The following ZNF728 variants were observed in gnomAD, a reference collection of about 807,000 sequenced individuals.
The protein encoded by ZNF728 is zinc finger protein 728.
In ZNF728, 12 loss-of-function variants were observed where a neutral mutation model predicts 12.5. The observed-to-expected ratio is 0.96, with a 90% CI of 0.61 to 1.55. The LOEUF (loss-of-function observed/expected upper bound fraction) is 1.55, where lower values mean the gene tolerates loss of function less well. ZNF728 is among the 40% of genes most tolerant of loss of function. ZNF728 has a pLI of 0.00. For synonymous variants in ZNF728, 205 were observed against 240.7 expected, an observed-to-expected ratio of 0.85 and a Z score of 1.37; for missense variants, 692 against 719.2, an observed-to-expected ratio of 0.96 and a Z score of 0.43.
At chr19:22,996,574 T>C (rs1292075920) in intron 1 of ZNF728, among the ~76,000 whole-genome samples, 1 of 152,108 alleles carries the variant, frequency 6.6e-6, no homozygotes, top group Non-Finnish European at 1.5e-5. Context: ...TGAAGTTTAC[T>C]CTGAACAAAT....
chr19:22,997,739 A>G (rs1453857164), intron 1 of ZNF728, among the ~76,000 whole-genome samples: 2 of 152,036 alleles, frequency 1.3e-5, no homozygotes, highest in African/African-American at 4.8e-5. Flanking sequence ...AAAAAAAAAA[A>G]AAAGGAAATA....
At chr19:22,988,185 C>T (rs1968939371) in intron 2 of ZNF728, 140 bp downstream of exon 2, 5 of 1,468,364 alleles carry the variant, frequency 3.4e-6, no homozygotes, top group African/African-American at 1.4e-5. Context: ...AGCAAAGAGC[C>T]CCCTGGTGCC....
rs772482191 is a variant in ZNF728 at position 22,977,105 on chromosome 19, A to G, written c.232T>C (p.Cys78Arg). 3 of 1,552,356 alleles carry G rather than the reference A, an allele frequency of 1.9e-6. No homozygotes were observed. Among genetic ancestry groups the G allele is most frequent in the Admixed American group, 4.4e-5 (2 of 45,900 alleles). Reference sequence around the variant, plus strand: ...CAAAGGTCTTGAGCAAAATGAGAACATATAACTGAAAAGAAATAAAAATAA... The same window carrying G: ...CAAAGGTCTTGAGCAAAATGAGAACGTATAACTGAAAAGAAATAAAAATAA... ...HELVKEPPVI[C>R]SHFAQDLWPE... Residue 78 changes from cysteine to arginine, a missense_variant, in exon 4 of 4, where the codon TGT becomes CGT. By Grantham distance (180) the Cys-to-Arg change is radical. Coordinates refer to ENST00000594710, the MANE Select transcript of ZNF728 (RefSeq NM_001267716.2).
rs115186434 is a variant in ZNF728 at position 23,001,464 on chromosome 19, C to T, written c.3+1564G>A. Among the ~76,000 whole-genome samples the T allele has an allele frequency of 4.8e-3, 736 of 152,316 alleles. 4 individuals are homozygous for T. The highest frequency in any genetic ancestry group is 0.017 in the African/African-American group (707 of 41,576). On this transcript the variant is annotated intron_variant, in intron 1 of 3. Transcript: ENST00000594710. ...GGCTACACTCCATACCTCAGGTTGT[C>T]TTATGGGAGAAAAAGACCCAGGAGC...
chr19:22,976,880 T>C lies in ZNF728; in HGVS notation c.457A>G (p.Ile153Val), dbSNP rs1318588305. The C allele has an allele frequency of 6.2e-7, 1 of 1,613,454 alleles. No homozygotes were observed. Among genetic ancestry groups the C allele is most frequent in the South Asian group, 1.1e-5 (1 of 91,072 alleles). The change falls in exon 4 of 4, where the codon ATC becomes GTC. Residue 153 changes from isoleucine to valine, a missense_variant. Coordinates refer to ENST00000594710, the MANE Select transcript of ZNF728 (RefSeq NM_001267716.2). ...KVFQCGKYAN[I>V]FHKCSNSKRH... is the part of the protein sequence containing the mutation. ...TTTGAATTTGAACATTTATGAAAGA[T>C]GTTTGCATATTTGCCACATTGAAAT...
At position 22,975,635 on chromosome 19, in the gene ZNF728, C is replaced by G; in HGVS notation, c.1702G>C (p.Glu568Gln). 1 of 1,611,870 alleles carries G rather than the reference C, an allele frequency of 6.2e-7. No individual in the cohort carries two copies. Among genetic ancestry groups the G allele is most frequent in the Non-Finnish European group, 8.5e-7 (1 of 1,179,814 alleles). The change falls in exon 4 of 4, where the codon GAA becomes CAA. Residue 568 changes from glutamate to glutamine, a missense_variant. Around this residue, in one of 3 missense-constraint regions of ZNF728, gnomAD observed 244 missense variants for 235.2 expected, o/e 1.04. Transcript: ENST00000594710. ...ACCCAGCTAAAGGCTTTGCCACATT[C>G]TTCACATTTGTAGGGTTTCTCTCCA... ...HTGEKPYKCE[E>Q]CGKAFSWVSV...
rs289319 is a variant in ZNF728, at chr19:22,975,029, T to A, written c.*439A>T. On this transcript the variant is annotated 3_prime_UTR_variant, in exon 4 of 4. Coordinates refer to ENST00000594710, the MANE Select transcript of ZNF728 (RefSeq NM_001267716.2). ...ACCTACAATCAAGTGTGACAGCCAT[T>A]TAAAGGCTTTGTCACATTCTTCACA... Among the ~76,000 whole-genome samples, 99,525 of 152,168 alleles carry A rather than the reference T, an allele frequency of 0.65. 36,441 individuals carry two copies. Among genetic ancestry groups the A allele is most frequent in the South Asian group, 0.82 (3,947 of 4,830 alleles).
intron 3 of ZNF728, among the ~76,000 whole-genome samples, chr19:22,981,601 C>T (rs1404374743): frequency 1.3e-5 from 2 of 152,164 alleles, no homozygotes; most frequent in Non-Finnish European, 2.9e-5. Context: ...TCCAATATCC[C>T]TGATGAACAT....
At chr19:22,987,777 A>G (rs1261719014) in intron 2 of ZNF728, among the ~76,000 whole-genome samples, 2 of 152,224 alleles carry the variant, frequency 1.3e-5, no homozygotes, top group African/African-American at 2.4e-5. Flanking sequence ...AAAAATCCCT[A>G]TGATTTTCTT....
At chr19:22,992,901 C>T (rs1353118705) in intron 1 of ZNF728, among the ~76,000 whole-genome samples, 4 of 152,162 alleles carry the variant, frequency 2.6e-5, no homozygotes, top group African/African-American at 9.7e-5. Flanking sequence ...GCAGAGAAGA[C>T]TCGGGATGAT....
chr19:22,979,358 G>C (rs1055283349), intron 3 of ZNF728, among the ~76,000 whole-genome samples: 5 of 152,160 alleles, frequency 3.3e-5, no homozygotes, highest in African/African-American at 4.8e-5. Context: ...AGAAATATGG[G>C]ACTATGTGAA....
intron 3 of ZNF728, among the ~76,000 whole-genome samples, chr19:22,982,392 C>T (rs1390512173): frequency 6.6e-6 from 1 of 152,208 alleles, no homozygotes; most frequent in Non-Finnish European, 1.5e-5. Context: ...AAGAACATTA[C>T]ATGCTCATGG....
At chr19:22,987,843 T>C (rs1158664404) in intron 2 of ZNF728, among the ~76,000 whole-genome samples, 1 of 152,078 alleles carries the variant, frequency 6.6e-6, no homozygotes, top group Non-Finnish European at 1.5e-5. Flanking sequence ...AAAAGAGAAA[T>C]GATGTTGGGA....
rs1456707768 is a variant in ZNF728 at position 22,993,674 on chromosome 19, A to G, written c.4-5223T>C. Among the ~76,000 whole-genome samples, 3 of 152,232 alleles carry G rather than the reference A, an allele frequency of 2.0e-5. No individual in the cohort carries two copies. In the South Asian group the frequency reaches 6.2e-4, roughly 31 times the overall value. On this transcript the variant is annotated intron_variant, in intron 1 of 3. Coordinates refer to ENST00000594710, the MANE Select transcript of ZNF728 (RefSeq NM_001267716.2). The stretch of plus-strand genomic sequence containing the variant: ...CGAGAAATTCTTATTTATGTAAAGA[A>G]ATAACTTTAATAATTAATTGGATAT...
At chr19:22,988,518 A>G (rs2145343549) in intron 1 of ZNF728, 67 bp from the exon 2 acceptor site, 1 of 1,591,744 alleles carries the variant, frequency 6.3e-7, no homozygotes, top group East Asian at 2.2e-5. Context: ...ATTTGACTCA[A>G]GGTAAAATGG....
Position 22,983,100 on chromosome 19 carries a change from CA to C in ZNF728, c.226+4207del, listed in dbSNP as rs569668289. On this transcript the variant is annotated intron_variant, in intron 3 of 3. Transcript: ENST00000594710. ...CCTACAGGATGGGAGAAAAATTTTG[CA>C]ATCTAGCCATCTGACAAAGGGCTAA... is the stretch of plus-strand genomic sequence containing the variant. 4.1e-3 allele frequency among the ~76,000 whole-genome samples: 628 copies of C among 151,794 alleles called. 5 individuals carry two copies. Among genetic ancestry groups the C allele is most frequent in the African/African-American group, 0.014 (564 of 41,388 alleles).
intron 1 of ZNF728, among the ~76,000 whole-genome samples, chr19:23,001,966 AT>A (rs1284225348): frequency 3.3e-5 from 5 of 152,178 alleles, no homozygotes; most frequent in Admixed American, 1.3e-4. Context: ...TGTGAAAATA[AT>A]TAAGTGGCTG....
At chr19:22,983,803 A>G (rs1377614752) in intron 3 of ZNF728, among the ~76,000 whole-genome samples, 4 of 152,120 alleles carry the variant, frequency 2.6e-5, no homozygotes, top group Admixed American at 6.5e-5. Context: ...GGAGTTGAAC[A>G]ACGACAACAC....
intron 3 of ZNF728, among the ~76,000 whole-genome samples, chr19:22,981,253 T>C (rs764913151): frequency 3.3e-5 from 5 of 152,102 alleles, no homozygotes; most frequent in Admixed American, 6.6e-5. Context: ...TATAAACATC[T>C]CTAAGCAAAT....
Sources: allele counts gnomAD v4.1 joint callset (sites outside exome capture counted in the v4.1 genomes callset), GRCh38; gene constraint gnomAD v4.1.1; regional missense constraint gnomAD v4.1.1; transcripts MANE v1.5; gene names NCBI Gene and HGNC (gene_info 2026-07-23, HGNC 2026-07-21).